The following STOX2 variants were observed in gnomAD, a reference collection of about 807,000 sequenced individuals.
The protein encoded by STOX2 is storkhead box 2.
In STOX2, 28 loss-of-function variants were observed where a neutral mutation model predicts 60.9. The observed-to-expected ratio is 0.46, with a 90% confidence interval of 0.34 to 0.63. The LOEUF (loss-of-function observed/expected upper bound fraction) is 0.63, where lower values mean the gene tolerates loss of function less well. Ranked by LOEUF, STOX2 falls within the 30% of genes least tolerant of loss-of-function variation. STOX2 has a pLI of 0.01. For missense variants in STOX2, 1,024 were observed against 1,187.7 expected, an observed-to-expected ratio of 0.86 and a Z score of 2.03; for synonymous variants, 472 against 463.9, an observed-to-expected ratio of 1.02 and a Z score of -0.22.
intron 1 of STOX2, among the ~76,000 whole-genome samples, chr4:183,872,427 T>C (rs1208765230): frequency 6.6e-6 from 1 of 152,158 alleles, no homozygotes; most frequent in Non-Finnish European, 1.5e-5. Flanking sequence ...ATTATATTGC[T>C]GCATAGACTC....
At chr4:183,893,017 A>G (rs1390441678) in intron 1 of STOX2, among the ~76,000 whole-genome samples, 1 of 152,136 alleles carries the variant, frequency 6.6e-6, no homozygotes, top group Non-Finnish European at 1.5e-5. Context: ...CAGAGTATCT[A>G]GGGCCAGAAA....
chr4:183,888,481 C>A (rs749716832), intron 1 of STOX2, among the ~76,000 whole-genome samples: 3 of 152,182 alleles, frequency 2.0e-5, no homozygotes, highest in Non-Finnish European at 4.4e-5. Flanking sequence ...CTCTGGCATG[C>A]CACTTGGGTC....
intron 1 of STOX2, among the ~76,000 whole-genome samples, chr4:183,926,080 G>A (rs780502279): frequency 1.1e-4 from 17 of 151,978 alleles, no homozygotes; most frequent in Non-Finnish European, 2.1e-4. Flanking sequence ...TTAATGACAC[G>A]AGTCTTTTTC....
intron 1 of STOX2, among the ~76,000 whole-genome samples, chr4:183,846,111 C>A (rs1739983940): frequency 6.6e-6 from 1 of 152,154 alleles, no homozygotes; most frequent in Non-Finnish European, 1.5e-5. Flanking sequence ...TTTCTTTCAG[C>A]ACTTTGCATG....
At chr4:183,902,011 A>G (rs192229827), upstream of STOX2, among the ~76,000 whole-genome samples, 250 of 152,242 alleles carry the variant, frequency 1.6e-3, no homozygotes, top group African/African-American at 5.8e-3. Flanking sequence ...TTGATTTTTA[A>G]AAAGTAGTTA....
At position 183,906,886 on chromosome 4, in the gene STOX2, G is replaced by C. The variant is rs1413200902; in HGVS notation, c.96G>C (p.Lys32Asn). ...ASDRMRSRSEKDYRLHKRFPA... is the reference protein window; with the variant it reads ...ASDRMRSRSENDYRLHKRFPA... ...ACCGCATGAGGTCCCGCAGCGAGAA[G>C]GACTACCGCCTGCACAAGCGTTTCC... Residue 32 changes from lysine to asparagine, a missense_variant, in exon 1 of 4, where the codon AAG becomes AAC. By Grantham distance (94) the Lys-to-Asn change is moderately conservative. Coordinates refer to ENST00000308497, the MANE Select transcript of STOX2 (RefSeq NM_020225.3). 3 of 1,550,946 alleles carry C rather than the reference G, an allele frequency of 1.9e-6. No homozygotes were observed.
rs962965557 is a variant in STOX2 at position 183,938,359 on chromosome 4, A to G, written c.166+31403A>G. 2.6e-5 allele frequency among the ~76,000 whole-genome samples: 4 copies of G among 152,172 alleles called. No homozygotes were observed. The South Asian group carries it at 8.3e-4, about 32-fold the overall frequency. On this transcript the variant is annotated intron_variant, in intron 1 of 3. Coordinates refer to ENST00000308497, the MANE Select transcript of STOX2 (RefSeq NM_020225.3). ...AAATTAACATGCAAGAAGCAAGCTC[A>G]TTTGTCACTTTAAAAAACTTTATTG...
intron 1 of STOX2, among the ~76,000 whole-genome samples, chr4:183,916,146 C>A (rs1258647774): frequency 6.6e-6 from 1 of 152,166 alleles, no homozygotes; most frequent in African/African-American, 2.4e-5. Context: ...AGTCCCGGGA[C>A]GTGGTGGTGT....
In STOX2 at chr4:184,009,389, G is replaced by C. The variant is rs758169434; in HGVS notation, c.551G>C (p.Gly184Ala). 4.3e-6 allele frequency: 7 copies of C among 1,613,844 alleles called. No individual in the cohort carries two copies. The highest frequency in any genetic ancestry group is 5.9e-6 in the Non-Finnish European group (7 of 1,179,884). The stretch of plus-strand genomic sequence containing the variant: ...GGGACCATCACGCCCTCTGCCTCAG[G>C]CTGTGTCAGGGAAAGGACATTGCCC... ...QPGTITPSAS[G>A]CVRERTLPRN... Residue 184 changes from glycine (G) to alanine (A), a missense_variant, in exon 3 of 4, where the codon GGC becomes GCC. Transcript: ENST00000308497. The surrounding 1 kb of genome is among the most constrained non-coding windows in gnomAD (Gnocchi z 4.0).
rs527973079 is a variant in STOX2 at position 184,019,106 on chromosome 4, A to T, written c.*1822A>T. 1 of 152,268 alleles carries T rather than the reference A, an allele frequency of 6.6e-6. No individual in the cohort carries two copies. The highest frequency in any genetic ancestry group is 2.4e-5 in the African/African-American group (1 of 41,554). 9.4% of individuals were successfully genotyped at this position (152,268 alleles called of 1,614,324 possible). On this transcript the variant is annotated 3_prime_UTR_variant, in exon 4 of 4. Transcript: ENST00000308497. ...TTTAAATGCTCCCTCATAGTTTTTCAGTTATTTGGAAGTTGCATTGGGTCA... is the reference window on the plus strand; with the variant it reads ...TTTAAATGCTCCCTCATAGTTTTTCTGTTATTTGGAAGTTGCATTGGGTCA...
intron 1 of STOX2, among the ~76,000 whole-genome samples, chr4:183,890,280 C>T (rs760717548): frequency 8.6e-5 from 13 of 151,866 alleles, no homozygotes; most frequent in South Asian, 2.1e-4. Flanking sequence ...GTCAGGAGAT[C>T]GGGACCATCC....
intron 1 of STOX2, among the ~76,000 whole-genome samples, chr4:183,962,149 T>G (rs1424147947): frequency 6.6e-6 from 1 of 152,260 alleles, no homozygotes; most frequent in Non-Finnish European, 1.5e-5. Flanking sequence ...GGTTCATTAA[T>G]GACTCAGTTT....
chr4:183,807,081 T>C (rs974839671), intron 1 of STOX2, among the ~76,000 whole-genome samples: 2 of 152,116 alleles, frequency 1.3e-5, no homozygotes, highest in African/African-American at 4.8e-5. Context: ...CACGCCATTC[T>C]CCTGCTTCAG....
chr4:183,909,115 T>C (rs7689269), intron 1 of STOX2, among the ~76,000 whole-genome samples: 5,619 of 152,164 alleles, frequency 0.037, 372 homozygotes, highest in African/African-American at 0.13. Context: ...ATTGGGAGAG[T>C]AGGTGGAGTC....
intron 1 of STOX2, among the ~76,000 whole-genome samples, chr4:183,989,242 G>T (rs1732995857): frequency 7.5e-6 from 1 of 132,978 alleles, no homozygotes; most frequent in Non-Finnish European, 1.6e-5. Context: ...TGCTCTTGTT[G>T]CCCAGGCTGG....
At chr4:183,867,121 AG>A (rs1740586955) in intron 1 of STOX2, among the ~76,000 whole-genome samples, 1 of 152,148 alleles carries the variant, frequency 6.6e-6, no homozygotes, top group Non-Finnish European at 1.5e-5. Context: ...GCTGCCTATA[AG>A]CAACTGTACA....
Position 184,010,712 on chromosome 4 carries a change from A to G in STOX2, c.1874A>G (p.Asp625Gly), listed in dbSNP as rs751230368. The G allele has an allele frequency of 1.2e-6, 2 of 1,607,308 alleles. No individual in the cohort carries two copies. Among genetic ancestry groups the G allele is most frequent in the Non-Finnish European group, 1.7e-6 (2 of 1,176,938 alleles). ...CTGGGAAAGAATAAGGAGGACCATG[A>G]CACTCTGACTTTGGCAGAAGGGGTG... ...SPLGKNKEDHDTLTLAEGVKK... is the reference protein window; with the variant it reads ...SPLGKNKEDHGTLTLAEGVKK... Residue 625 changes from aspartate (D) to glycine (G), a missense_variant, in exon 3 of 4, where the codon GAC (aspartate) becomes GGC (glycine). Asp to Gly is a moderately conservative substitution (Grantham distance 94, BLOSUM62 -1). Coordinates refer to ENST00000308497, the MANE Select transcript of STOX2 (RefSeq NM_020225.3). The surrounding 1 kb of genome is among the most constrained non-coding windows in gnomAD (Gnocchi z 4.5).
At chr4:183,970,483 G>A (rs1400010417) in intron 1 of STOX2, among the ~76,000 whole-genome samples, 1 of 152,114 alleles carries the variant, frequency 6.6e-6, no homozygotes, top group Non-Finnish European at 1.5e-5. Context: ...AGGAGCCCCT[G>A]GGACCCCATT....
Position 184,010,864 on chromosome 4 carries a change from G to A in STOX2, c.2026G>A (p.Ala676Thr), listed in dbSNP as rs147022263. ...AASGGVAEGI[A>T]NGRLVQHHGA... ...TTCGGGAGGAGTGGCTGAAGGGATC[G>A]CCAACGGACGCCTCGTCCAGCACCA... The change falls in exon 3 of 4, where the codon GCC (alanine) becomes ACC (threonine). Residue 676 changes from alanine (A) to threonine (T), a missense_variant. Physicochemically the swap from Ala to Thr is moderately conservative, Grantham distance 58. Around this residue, in one of 3 missense-constraint regions of STOX2, gnomAD observed 922 missense variants for 1,058.3 expected, o/e 0.87. Transcript: ENST00000308497. This position sits in a 1 kb window ranked among gnomAD's most constrained non-coding sequence, Gnocchi z 4.5. The A allele has an allele frequency of 4.5e-5, 73 of 1,608,210 alleles. No homozygotes were observed. Among genetic ancestry groups the A allele is most frequent in the African/African-American group, 2.3e-4 (17 of 74,948 alleles).
Sources: allele counts gnomAD v4.1 joint callset (sites outside exome capture counted in the v4.1 genomes callset), GRCh38; gene constraint gnomAD v4.1.1; regional missense constraint gnomAD v4.1.1; non-coding constraint Gnocchi (gnomAD v3.1); transcripts MANE v1.5; gene names NCBI Gene and HGNC (gene_info 2026-07-23, HGNC 2026-07-21).